MPHOSPH8: variants seen among roughly 807,000 people sequenced by gnomAD.
The protein encoded by MPHOSPH8 is M-phase phosphoprotein, mpp.
In MPHOSPH8, 45 loss-of-function variants were observed where a neutral mutation model predicts 87.3. That is an observed-to-expected ratio of 0.52 (90% CI 0.41 to 0.66). The LOEUF (loss-of-function observed/expected upper bound fraction) is 0.66. Among genes scored for constraint, MPHOSPH8 ranks in the 30% least tolerant of loss-of-function variants. MPHOSPH8 has a pLI of 0.00. For synonymous variants in MPHOSPH8, 366 were observed against 376.9 expected (o/e 0.97, Z 0.33); for missense variants, 883 against 1,020.2 (o/e 0.87, Z 1.83).
At chr13:19,663,198 C>A in intron 9 of MPHOSPH8, 72 bp downstream of exon 9, 1 of 1,304,892 alleles carries the variant, frequency 7.7e-7, no homozygotes, top group Non-Finnish European at 1.1e-6. Context: ...CTGCCACTGC[C>A]AGGCACTGTG....
chr13:19,673,087 G>GTTTTTTTTTTTTTTTTTTTTTTTTTT lies in MPHOSPH8; in HGVS notation c.*1212_*1213insTTTTTTTTTTTTTTTTTTTTTTTTTT. The GTTTTTTTTTTTTTTTTTTTTTTTTTT allele has an allele frequency of 1.9e-5, 1 of 52,654 alleles. No homozygotes were observed. Among genetic ancestry groups the GTTTTTTTTTTTTTTTTTTTTTTTTTT allele is most frequent in the Non-Finnish European group, 6.0e-5 (1 of 16,754 alleles). The allele number at this position is 52,654 out of a possible 1,614,324, so 3.3% of individuals were successfully genotyped here. ...AAAAAAAGTTTCTTGGAACCTATAC[G>GTTTTTTTTTTTTTTTTTTTTTTTTTT]GTTTTTTTTTGTTTTTTTTTTTTGA... On this transcript the variant is annotated 3_prime_UTR_variant, in exon 14 of 14. Coordinates refer to ENST00000361479, the MANE Select transcript of MPHOSPH8 (RefSeq NM_017520.4).
chr13:19,652,703 A>T (rs1874926700), intron 5 of MPHOSPH8, among the ~76,000 whole-genome samples: 1 of 152,186 alleles, frequency 6.6e-6, no homozygotes, highest in African/African-American at 2.4e-5. Context: ...CGCTGCCAGC[A>T]CAGCAGTCTG....
chr13:19,650,196 A>G lies in MPHOSPH8; in HGVS notation c.1512A>G (p.Ala504=). The change falls in exon 5 of 14, where the codon GCA becomes GCG. Residue 504 remains alanine (A), a synonymous_variant. Coordinates refer to ENST00000361479, the MANE Select transcript of MPHOSPH8 (RefSeq NM_017520.4). ...RNTRDETDTW[A]YIAAEGDQEV... Reference sequence around the variant, plus strand: ...CCAGAGACGAAACGGATACTTGGGCATACATTGCTGCAGAAGGTGATCAGG... The same window carrying G: ...CCAGAGACGAAACGGATACTTGGGCGTACATTGCTGCAGAAGGTGATCAGG... The G allele has an allele frequency of 6.2e-7, 1 of 1,614,234 alleles. No homozygotes were observed.
chr13:19,639,659 C>A (rs1874184333), intron 1 of MPHOSPH8, among the ~76,000 whole-genome samples: 1 of 151,974 alleles, frequency 6.6e-6, no homozygotes, highest in South Asian at 2.1e-4. Flanking sequence ...GCATGCATTG[C>A]TGGAAGAGAG....
In MPHOSPH8 at chr13:19,642,121, G is replaced by A. The variant is rs142067434; in HGVS notation, c.220G>A (p.Val74Ile). The change falls in exon 2 of 14, where the codon GTT becomes ATT. Residue 74 changes from valine (V) to isoleucine (I), a missense_variant. By Grantham distance (29) the Val-to-Ile change is conservative. This residue lies in a region of MPHOSPH8 where 103 missense variants were observed against 96.3 expected (regional missense o/e 1.07). Coordinates refer to ENST00000361479, the MANE Select transcript of MPHOSPH8 (RefSeq NM_017520.4). ...ILDMKTEGGKVLYKVRWKGYT... is the reference protein window; with the variant it reads ...ILDMKTEGGKILYKVRWKGYT... ...CTTTTATTTTCTATAACAGGGTAAA[G>A]TTCTTTACAAAGTTCGCTGGAAAGG... The A allele has an allele frequency of 7.8e-4, 1,177 of 1,518,410 alleles. No individual in the cohort carries two copies. Among genetic ancestry groups the A allele is most frequent in the Middle Eastern group, 2.8e-3 (14 of 4,960 alleles). The allele number at this position is 1,518,410 out of a possible 1,614,324, so 94.1% of individuals were successfully genotyped here.
chr13:19,653,007 A>G lies in MPHOSPH8; in HGVS notation c.1576+2747A>G, dbSNP rs528973881. On this transcript the variant is annotated intron_variant, in intron 5 of 13. Coordinates refer to ENST00000361479, the MANE Select transcript of MPHOSPH8 (RefSeq NM_017520.4). ...AAGGGGCGGCTGTGGGCGCAGCTTC[A>G]GCAGACTTAAACGTCCCTGCCTCAC... 1.2e-4 allele frequency among the ~76,000 whole-genome samples: 19 copies of G among 152,104 alleles called. No homozygotes were observed. In the South Asian group the frequency reaches 1.5e-3, roughly 12 times the overall value.
At chr13:19,660,293 A>G (rs897052894) in intron 7 of MPHOSPH8, among the ~76,000 whole-genome samples, 1 of 151,946 alleles carries the variant, frequency 6.6e-6, no homozygotes, top group African/African-American at 2.4e-5. Context: ...TAATGGAAGC[A>G]TATTGACCCT....
Position 19,638,312 on chromosome 13 carries a change from C to G in MPHOSPH8, c.214-3803C>G, listed in dbSNP as rs558388893. Among the ~76,000 whole-genome samples the G allele has an allele frequency of 2.0e-5, 3 of 152,002 alleles. No homozygotes were observed. The South Asian group carries it at 6.2e-4, about 32-fold the overall frequency. ...AAATTTTAAGGCTTTTCAGGCTTAT[C>G]TTTAAAAGTTAAGATTTTGAGGCTG... On this transcript the variant is annotated intron_variant, in intron 1 of 13. Transcript: ENST00000361479.
At chr13:19,649,146 C>G (rs561494848) in intron 4 of MPHOSPH8, among the ~76,000 whole-genome samples, 68 of 152,316 alleles carry the variant, frequency 4.5e-4, no homozygotes, top group African/African-American at 1.5e-3. Context: ...GTGGCTGTTT[C>G]AGTGGGTCAC....
At chr13:19,650,556 T>G in intron 5 of MPHOSPH8, 1 of 267,942 alleles carries the variant, frequency 3.7e-6, no homozygotes. Context: ...ATCTTACTAT[T>G]TAATAGATTT....
chr13:19,641,290 G>A (rs1874273166), intron 1 of MPHOSPH8, among the ~76,000 whole-genome samples: 1 of 150,572 alleles, frequency 6.6e-6, no homozygotes, highest in African/African-American at 2.5e-5. Flanking sequence ...AAGTAACTTG[G>A]ACCACAGTTA....
intron 5 of MPHOSPH8, among the ~76,000 whole-genome samples, chr13:19,654,259 A>G (rs550197909): frequency 6.6e-6 from 1 of 152,188 alleles, no homozygotes; most frequent in East Asian, 1.9e-4. Context: ...GTTCTCACTC[A>G]TAAGTGGTAG....
intron 7 of MPHOSPH8, chr13:19,659,530 G>T (rs996029587): frequency 1.4e-5 from 6 of 440,598 alleles, no homozygotes; most frequent in African/African-American, 1.0e-4. Flanking sequence ...TGGACATGGT[G>T]GTGTACACCT....
intron 9 of MPHOSPH8, among the ~76,000 whole-genome samples, chr13:19,663,387 C>A (rs777636911): frequency 6.6e-6 from 1 of 152,150 alleles, no homozygotes; most frequent in Non-Finnish European, 1.5e-5. Context: ...GCCCTGGGGA[C>A]CCTGACAATC....
At chr13:19,639,715 A>C (rs1481165805) in intron 1 of MPHOSPH8, among the ~76,000 whole-genome samples, 1 of 152,194 alleles carries the variant, frequency 6.6e-6, no homozygotes, top group East Asian at 1.9e-4. Context: ...GAGGGAAGGA[A>C]GAAAAAGAAG....
intron 4 of MPHOSPH8, among the ~76,000 whole-genome samples, chr13:19,649,554 A>G (rs1874735245): frequency 6.6e-6 from 1 of 152,176 alleles, no homozygotes; most frequent in South Asian, 2.1e-4. Context: ...AGCGTCAGGT[A>G]CAGTTTTACC....
chr13:19,671,492 C>T (rs1876123484), intron 13 of MPHOSPH8, among the ~76,000 whole-genome samples: 2 of 152,148 alleles, frequency 1.3e-5, no homozygotes, highest in Admixed American at 6.5e-5. Flanking sequence ...AACTAGGTTG[C>T]AGCTGAGAAA....
chr13:19,666,579 C>T lies in MPHOSPH8; in HGVS notation c.2174C>T (p.Thr725Ile), dbSNP rs77814222. The change falls in exon 10 of 14, where the codon ACA becomes ATA. Residue 725 changes from threonine (T) to isoleucine (I), a missense_variant and splice_region_variant. Around this residue, in one of 3 missense-constraint regions of MPHOSPH8, gnomAD observed 741 missense variants for 841.5 expected, o/e 0.88. Transcript: ENST00000361479. ...GACTTGCTGAAGAACCATTTAGAGA[C>T]GTAAGTGAGAAGCGACTGTGCCATA... Reference protein sequence around the residue: ...VYDLLKNHLETLSRVAEETIK... With the variant: ...VYDLLKNHLEILSRVAEETIK... The T allele has an allele frequency of 1.3e-4, 208 of 1,571,860 alleles. No individual in the cohort carries two copies. In the East Asian group the frequency reaches 3.2e-3, roughly 24 times the overall value.
At chr13:19,648,998 G>A (rs1353530262) in intron 4 of MPHOSPH8, among the ~76,000 whole-genome samples, 1 of 152,162 alleles carries the variant, frequency 6.6e-6, no homozygotes, top group Non-Finnish European at 1.5e-5. Flanking sequence ...GGCAAACAGT[G>A]GTTCTAAGAG....
Sources: allele counts gnomAD v4.1 joint callset (sites outside exome capture counted in the v4.1 genomes callset), GRCh38; gene constraint gnomAD v4.1.1; regional missense constraint gnomAD v4.1.1; transcripts MANE v1.5; gene names NCBI Gene and HGNC (gene_info 2026-07-23, HGNC 2026-07-21).